WDPCP: variants seen among roughly 807,000 people sequenced by gnomAD.
The protein encoded by WDPCP is WD repeat containing planar cell polarity effector, also known as WD repeat-containing and planar cell polarity effector protein fritz homolog.
In WDPCP, 71 loss-of-function variants were observed where a neutral mutation model predicts 93.1. The observed-to-expected ratio is 0.76, with a 90% CI of 0.63 to 0.93. The LOEUF is 0.93. Among genes scored for constraint, WDPCP ranks in the 40% least tolerant of loss-of-function variants. The pLI, the probability that WDPCP is intolerant of heterozygous loss-of-function variation, is 0.00. For synonymous variants in WDPCP, 315 were observed against 315.0 expected (o/e 1.00, Z 0.00); for missense variants, 844 against 887.4 (o/e 0.95, Z 0.62).
chr2:63,717,576 A>T, intron 2 of WDPCP: 1 of 521,676 alleles, frequency 1.9e-6, no homozygotes, highest in Admixed American at 2.0e-5. Flanking sequence ...AGACTGATTC[A>T]TGGTATACCT....
chr2:63,377,314 A>G (rs1439944878), intron 12 of WDPCP, among the ~76,000 whole-genome samples: 1 of 151,758 alleles, frequency 6.6e-6, no homozygotes, highest in Non-Finnish European at 1.5e-5. Context: ...AACAGATTAT[A>G]TTATTAGTAA....
chr2:63,451,455 A>G (rs4255949), intron 6 of WDPCP, among the ~76,000 whole-genome samples: 122,664 of 152,090 alleles, frequency 0.81, 50,120 homozygotes, highest in East Asian at 0.98. Context: ...ATAATTAATA[A>G]CTTGCCAACC....
At chr2:63,574,165 C>T (rs1227309801) in intron 1 of WDPCP, among the ~76,000 whole-genome samples, 9 of 152,148 alleles carry the variant, frequency 5.9e-5, no homozygotes, top group Non-Finnish European at 1.2e-4. Flanking sequence ...GTGACCCACA[C>T]CCTATTCATA....
At chr2:63,805,589 A>G (rs1454718472) in intron 2 of WDPCP, among the ~76,000 whole-genome samples, 1 of 152,186 alleles carries the variant, frequency 6.6e-6, no homozygotes, top group East Asian at 1.9e-4. Context: ...ACCAGGTGGA[A>G]TAAGAGGTCA....
chr2:63,455,439 TAC>T (rs1038620390), intron 6 of WDPCP, among the ~76,000 whole-genome samples: 22 of 112,232 alleles, frequency 2.0e-4, no homozygotes, highest in Non-Finnish European at 3.5e-4. Context: ...TATATATATA[TAC>T]ACACACACAC....
intron 2 of WDPCP, among the ~76,000 whole-genome samples, chr2:63,808,472 C>G (rs1268109250): frequency 6.6e-6 from 1 of 152,060 alleles, no homozygotes; most frequent in Non-Finnish European, 1.5e-5. Flanking sequence ...CTGCCGAATG[C>G]CTGCGATTGC....
chr2:63,398,160 G>A (rs1304890543), intron 10 of WDPCP, among the ~76,000 whole-genome samples: 1 of 152,128 alleles, frequency 6.6e-6, no homozygotes, highest in Non-Finnish European at 1.5e-5. Flanking sequence ...GTAAGAAGCA[G>A]ATAAACTTAA....
chr2:63,772,121 C>T (rs1157498105), intron 2 of WDPCP, among the ~76,000 whole-genome samples: 2 of 152,048 alleles, frequency 1.3e-5, no homozygotes, highest in Non-Finnish European at 2.9e-5. Flanking sequence ...AATCTCTAAA[C>T]TACTTTCCAC....
intron 11 of WDPCP, among the ~76,000 whole-genome samples, chr2:63,379,452 C>G (rs1692123625): frequency 6.6e-6 from 1 of 151,884 alleles, no homozygotes; most frequent in Non-Finnish European, 1.5e-5. Flanking sequence ...TTTTTAATCT[C>G]AAATCTAGAC....
At chr2:63,259,586 G>A (rs1681443816) in intron 13 of WDPCP, among the ~76,000 whole-genome samples, 177 bp from the exon 14 acceptor site, 1 of 152,164 alleles carries the variant, frequency 6.6e-6, no homozygotes, top group Admixed American at 6.5e-5. Flanking sequence ...CTGAATTGGA[G>A]ATCACAGCTA....
At chr2:63,420,787 A>G (rs1407345171) in intron 9 of WDPCP, among the ~76,000 whole-genome samples, 1 of 152,236 alleles carries the variant, frequency 6.6e-6, no homozygotes, top group East Asian at 1.9e-4. Context: ...TTCAGATTTC[A>G]CATGATCACA....
intron 12 of WDPCP, among the ~76,000 whole-genome samples, chr2:63,323,525 A>G (rs1462232172): frequency 6.6e-6 from 1 of 152,130 alleles, no homozygotes; most frequent in African/African-American, 2.4e-5. Flanking sequence ...CTTCCTATTC[A>G]TATAAGTAAG....
At chr2:63,789,001 C>T (rs1464191933) in intron 2 of WDPCP, among the ~76,000 whole-genome samples, 2 of 152,192 alleles carry the variant, frequency 1.3e-5, no homozygotes, top group Non-Finnish European at 2.9e-5. Context: ...CCCACCTCAG[C>T]CTCCTGAGTA....
At chr2:63,830,321 G>T (rs1223983225), upstream of WDPCP, among the ~76,000 whole-genome samples, 4 of 151,870 alleles carry the variant, frequency 2.6e-5, no homozygotes, top group African/African-American at 9.7e-5. Context: ...TCATTACTGG[G>T]ATCTCATGTT....
At chr2:63,735,187 G>A (rs1426129054) in intron 2 of WDPCP, among the ~76,000 whole-genome samples, 2 of 152,162 alleles carry the variant, frequency 1.3e-5, no homozygotes, top group East Asian at 3.8e-4. Context: ...TAGAGTGGAA[G>A]TGATAGCTCC....
chr2:63,747,901 T>A (rs1669822630), intron 2 of WDPCP, among the ~76,000 whole-genome samples: 1 of 152,070 alleles, frequency 6.6e-6, no homozygotes, highest in Admixed American at 6.6e-5. Flanking sequence ...ATCTTCTAGT[T>A]CTATTGTTTC....
At chr2:63,135,314 T>C (rs915744918) in intron 17 of WDPCP, among the ~76,000 whole-genome samples, 1 of 152,226 alleles carries the variant, frequency 6.6e-6, no homozygotes, top group South Asian at 2.1e-4. Context: ...AAGGCTAATA[T>C]AATTGTTCTT....
intron 3 of WDPCP, among the ~76,000 whole-genome samples, chr2:63,631,781 A>C (rs572450870): frequency 6.6e-6 from 1 of 152,312 alleles, no homozygotes; most frequent in African/African-American, 2.4e-5. Flanking sequence ...TGTAACCCCA[A>C]GTGGCCTGCT....
chr2:63,822,712 C>T (rs1196451363), intron 1 of WDPCP, among the ~76,000 whole-genome samples: 1 of 151,922 alleles, frequency 6.6e-6, no homozygotes, highest in African/African-American at 2.4e-5. Context: ...ATAGCAAGAC[C>T]CTGTCTCTAA....
Sources: allele counts gnomAD v4.1 joint callset (sites outside exome capture counted in the v4.1 genomes callset), GRCh38; gene constraint gnomAD v4.1.1; transcripts MANE v1.5; gene names NCBI Gene and HGNC (gene_info 2026-07-23, HGNC 2026-07-21).